Variants in PKHD1 observed in about 807,000 individuals in gnomAD.
PKHD1 encodes the protein fibrocystin.
A neutral mutation model predicts 412.0 loss-of-function variants in PKHD1; 291 were observed. That is an observed-to-expected ratio of 0.71 (90% CI 0.64 to 0.78). PKHD1 has a LOEUF of 0.78. Among genes scored for constraint, PKHD1 ranks in the 30% least tolerant of loss-of-function variants. The probability of loss-of-function intolerance (pLI) is 0.00; values close to 1 mark genes in which losing one functional copy is unlikely to be tolerated. For synonymous variants in PKHD1, 1,777 were observed against 1,821.5 expected, an observed-to-expected ratio of 0.98 and a Z score of 0.62; for missense variants, 4,825 against 4,950.7, an observed-to-expected ratio of 0.97 and a Z score of 0.76.
At chr6:51,896,381 G>A (rs1405715670) in intron 43 of PKHD1, among the ~76,000 whole-genome samples, 2 of 152,152 alleles carry the variant, frequency 1.3e-5, no homozygotes, top group East Asian at 1.9e-4. Context: ...GCCTAACTGG[G>A]AGGCACCCCC....
At chr6:52,013,752 AGACTCCT>A (rs1800097189) in intron 34 of PKHD1, among the ~76,000 whole-genome samples, 1 of 152,200 alleles carries the variant, frequency 6.6e-6, no homozygotes, top group Admixed American at 6.5e-5. Flanking sequence ...CTAGTATCTA[AGACTCCT>A]GACTCCCAAA....
chr6:51,725,230 G>T (rs1782428660), intron 60 of PKHD1, among the ~76,000 whole-genome samples: 1 of 152,198 alleles, frequency 6.6e-6, no homozygotes, highest in South Asian at 2.1e-4. Context: ...CATCCCCAGT[G>T]TGGGACCATG....
At chr6:51,954,599 T>C (rs1790838440) in intron 36 of PKHD1, among the ~76,000 whole-genome samples, 1 of 152,130 alleles carries the variant, frequency 6.6e-6, no homozygotes, top group African/African-American at 2.4e-5. Context: ...ACTGTCTTCC[T>C]TTTTTATTGT....
At chr6:52,006,597 G>A (rs141338334) in intron 35 of PKHD1, among the ~76,000 whole-genome samples, 2,142 of 152,018 alleles carry the variant, frequency 0.014, 50 homozygotes, top group African/African-American at 0.048. Flanking sequence ...GGCTTGTCTC[G>A]AACTCCTGAC....
In PKHD1 at chr6:51,718,466, G is replaced by C. The variant is rs536888516; in HGVS notation, c.10156+25919C>G. ...CAAAATACTGTCACAGCCTATAAAT[G>C]TGAGTTGTCACTATTGCGTAGGAGG... On this transcript the variant is annotated intron_variant, in intron 60 of 66. Coordinates refer to ENST00000371117, the MANE Select transcript of PKHD1 (RefSeq NM_138694.4). Among the ~76,000 whole-genome samples, 11 of 152,340 alleles carry C rather than the reference G, an allele frequency of 7.2e-5. No homozygotes were observed. In the South Asian group the frequency reaches 2.3e-3, roughly 32 times the overall value.
chr6:51,721,388 C>A, intron 60 of PKHD1: 1 of 444,706 alleles, frequency 2.2e-6, no homozygotes, highest in Non-Finnish European at 2.9e-6. Flanking sequence ...ATTAATATAC[C>A]AATAATAATA....
intron 14 of PKHD1, 100 bp downstream of exon 14, chr6:52,062,419 A>C: frequency 8.0e-7 from 1 of 1,247,290 alleles, no homozygotes; most frequent in Non-Finnish European, 1.2e-6. Context: ...TAGTGTTATA[A>C]ATTCCTGGAA....
intron 53 of PKHD1, among the ~76,000 whole-genome samples, chr6:51,777,086 G>A (rs913767158): frequency 1.3e-5 from 2 of 152,048 alleles, no homozygotes; most frequent in African/African-American, 4.8e-5. Flanking sequence ...AAAACCACCG[G>A]CTATCAAATG....
At chr6:52,057,650 T>C (rs1356612476) in intron 16 of PKHD1, among the ~76,000 whole-genome samples, 1 of 152,154 alleles carries the variant, frequency 6.6e-6, no homozygotes, top group East Asian at 1.9e-4. Flanking sequence ...CACTTGACCT[T>C]GTGATCAGCC....
intron 60 of PKHD1, among the ~76,000 whole-genome samples, chr6:51,671,991 C>T (rs1562071983): frequency 6.6e-6 from 1 of 152,164 alleles, no homozygotes; most frequent in East Asian, 1.9e-4. Flanking sequence ...GAATTTTTGT[C>T]AAATGTGGGA....
rs747117144 is a variant in PKHD1 at position 52,069,496 on chromosome 6, T to C, written c.739A>G (p.Ser247Gly). Reference protein sequence around the residue: ...SMVHKKAWLISAKQDLFLYQT... With the variant: ...SMVHKKAWLIGAKQDLFLYQT... ...TATAGGAAAAGATCCTGTTTAGCAC[T>C]GATCAGCCATGCCTTCTTGTGGACC... The change falls in exon 11 of 67, where the codon AGT becomes GGT. Residue 247 changes from serine (S) to glycine (G), a missense_variant. By Grantham distance (56) the Ser-to-Gly change is moderately conservative (BLOSUM62 0). Coordinates refer to ENST00000371117, the MANE Select transcript of PKHD1 (RefSeq NM_138694.4). 14 of 1,613,428 alleles carry C rather than the reference T, an allele frequency of 8.7e-6. No individual in the cohort carries two copies. In the Admixed American group the frequency reaches 2.2e-4, roughly 25 times the overall value.
In PKHD1 at chr6:52,039,659, A is replaced by G. The variant is rs183571172; in HGVS notation, c.3097+3200T>C. On this transcript the variant is annotated intron_variant, in intron 27 of 66. Transcript: ENST00000371117. ...GAACCCTCTTATATTGCTAGTAGGA[A>G]TGTAAAATTATGCAGCCATTTTGGA... Among the ~76,000 whole-genome samples the G allele has an allele frequency of 4.5e-4, 68 of 152,360 alleles. 1 individual carries two copies. The highest frequency in any genetic ancestry group is 1.3e-3 in the Admixed American group (20 of 15,302).
intron 42 of PKHD1, 34 bp downstream of exon 42, chr6:51,903,952 C>T (rs1160747616): frequency 7.2e-7 from 1 of 1,387,254 alleles, no homozygotes; most frequent in Non-Finnish European, 1.0e-6. Flanking sequence ...TTTAAATACA[C>T]TGTAATAGAT....
intron 59 of PKHD1, among the ~76,000 whole-genome samples, chr6:51,744,769 T>C (rs1312026339): frequency 1.3e-5 from 2 of 152,196 alleles, no homozygotes; most frequent in Non-Finnish European, 2.9e-5. Context: ...TATCCTAATA[T>C]GTAATCTTTA....
intron 60 of PKHD1, among the ~76,000 whole-genome samples, chr6:51,674,152 TG>T (rs1200367764): frequency 1.3e-5 from 2 of 152,194 alleles, no homozygotes; most frequent in Non-Finnish European, 2.9e-5. Context: ...TTTTTGTCAA[TG>T]GGATGCTCTG....
intron 46 of PKHD1, among the ~76,000 whole-genome samples, chr6:51,874,267 A>C (rs1228724007): frequency 1.5e-5 from 2 of 132,590 alleles, no homozygotes; most frequent in Admixed American, 1.7e-4. Flanking sequence ...CCGTAATTTA[A>C]ATTAAAATTA....
chr6:51,921,715 A>G (rs1462599854), intron 37 of PKHD1, among the ~76,000 whole-genome samples: 1 of 152,214 alleles, frequency 6.6e-6, no homozygotes, highest in Non-Finnish European at 1.5e-5. Context: ...CCACTTGATT[A>G]AATCGGCTAC....
At chr6:51,794,551 T>G (rs1208103714) in intron 52 of PKHD1, among the ~76,000 whole-genome samples, 1 of 152,240 alleles carries the variant, frequency 6.6e-6, no homozygotes. Flanking sequence ...ATTTTTGCTT[T>G]TGTTGCAATG....
intron 48 of PKHD1, among the ~76,000 whole-genome samples, chr6:51,858,448 C>T (rs575346740): frequency 3.9e-5 from 6 of 152,106 alleles, no homozygotes; most frequent in East Asian, 3.9e-4. Context: ...GAGGTAAGTT[C>T]GAACTAAGAA....
Sources: gnomAD v4.1 joint callset for allele counts (sites outside exome capture counted in the v4.1 genomes callset) on GRCh38, gnomAD v4.1.1 for gene constraint, MANE v1.5 for transcripts, NCBI Gene and HGNC (gene_info 2026-07-23, HGNC 2026-07-21) for gene names.